ZNF483: variants seen among roughly 807,000 people sequenced by gnomAD.
ZNF483 encodes zinc finger protein 483.
A neutral mutation model predicts 28.6 loss-of-function variants in ZNF483; 9 were observed. The observed-to-expected ratio is 0.32, with a 90% CI of 0.19 to 0.55. The LOEUF is 0.55. ZNF483 is among the 20% of genes least tolerant of loss of function. The probability of loss-of-function intolerance (pLI) is 0.93; values close to 1 mark genes in which losing one functional copy is unlikely to be tolerated. For synonymous variants in ZNF483, 322 were observed against 306.2 expected, an observed-to-expected ratio of 1.05 and a Z score of -0.54; for missense variants, 675 against 871.7, an observed-to-expected ratio of 0.77 and a Z score of 2.84.
downstream of ZNF483, among the ~76,000 whole-genome samples, chr9:111,559,643 T>TACAGCACACACAC (rs1245413485): frequency 7.1e-6 from 1 of 141,422 alleles, no homozygotes; most frequent in East Asian, 2.1e-4. Flanking sequence ...CACACACACA[T>TACAGCACACACAC]ACAGCACACA....
chr9:111,564,199 C>T (rs1828442794), intron 5 of ZNF483: 3 of 1,060,224 alleles, frequency 2.8e-6, no homozygotes, highest in Non-Finnish European at 3.5e-6. Context: ...GATGGCTTAG[C>T]ACTCTTCATG....
intron 5 of ZNF483, among the ~76,000 whole-genome samples, chr9:111,562,276 CTTTTT>C (rs35900341): frequency 7.1e-6 from 1 of 140,496 alleles, no homozygotes. Flanking sequence ...AAGCAGTAAA[CTTTTT>C]TTTTTTTTTT....
intron 5 of ZNF483, chr9:111,570,088 T>C: frequency 6.2e-7 from 1 of 1,614,074 alleles, no homozygotes; most frequent in Non-Finnish European, 8.5e-7. Flanking sequence ...CGGAGCTCCT[T>C]ACCTCTAAGA....
chr9:111,528,973 C>A (rs1827250932), intron 2 of ZNF483, among the ~76,000 whole-genome samples: 1 of 152,060 alleles, frequency 6.6e-6, no homozygotes, highest in African/African-American at 2.4e-5. Flanking sequence ...TGGAGAAACC[C>A]CGTCTCTACA....
intron 5 of ZNF483, among the ~76,000 whole-genome samples, chr9:111,570,930 G>A (rs988877404): frequency 2.0e-5 from 3 of 152,186 alleles, no homozygotes; most frequent in African/African-American, 7.2e-5. Context: ...TAGAAGCAGA[G>A]ATGAGAGAGA....
chr9:111,576,530 C>A, exon 6 of ZNF483: 1 of 1,399,098 alleles, frequency 7.1e-7, no homozygotes, highest in Non-Finnish European at 9.8e-7. Flanking sequence ...AGTATGAATC[C>A]CAACTCTGGG....
chr9:111,565,132 A>G (rs1828499477), intron 5 of ZNF483, among the ~76,000 whole-genome samples: 1 of 152,156 alleles, frequency 6.6e-6, no homozygotes, highest in African/African-American at 2.4e-5. Flanking sequence ...CTCAAAAAAA[A>G]AAGTACTTAA....
chr9:111,561,610 G>T (rs1200796560), intron 5 of ZNF483, among the ~76,000 whole-genome samples: 1 of 152,098 alleles, frequency 6.6e-6, no homozygotes, highest in East Asian at 1.9e-4. Flanking sequence ...GCACATTTTT[G>T]TAGATGTATA....
chr9:111,567,034 C>T (rs1046960631), intron 5 of ZNF483, among the ~76,000 whole-genome samples: 2 of 150,450 alleles, frequency 1.3e-5, no homozygotes, highest in Admixed American at 1.3e-4. Flanking sequence ...TGTGGTGAGC[C>T]ATGATCACGG....
rs1186067975 is a variant in ZNF483 at position 111,552,319 on chromosome 9, A to G, written c.*9149A>G. 6.6e-6 allele frequency among the ~76,000 whole-genome samples: 1 copy of G among 152,210 alleles called. No individual in the cohort carries two copies. The highest frequency in any genetic ancestry group is 2.4e-5 in the African/African-American group (1 of 41,468). The stretch of plus-strand genomic sequence containing the variant: ...TTCAGAAGTTTCATAAACTGTCAAC[A>G]TTCTATAGCTTTTGTGCATATGTAC... On this transcript the variant is annotated 3_prime_UTR_variant, in exon 6 of 6. Coordinates refer to ENST00000309235, the MANE Select transcript of ZNF483 (RefSeq NM_133464.5).
At position 111,527,695 on chromosome 9, in the gene ZNF483, C is replaced by T. The variant is rs752388472; in HGVS notation, c.300C>T (p.Phe100=). The change falls in exon 2 of 6, where the codon TTC becomes TTT. Residue 100 remains phenylalanine (F), a synonymous_variant. Coordinates refer to ENST00000309235, the MANE Select transcript of ZNF483 (RefSeq NM_133464.5). ...TAGAGCTTCTGGTGTTTGAGCAGTT[C>T]CTGACCATTTTGCCTGGGGAGATCA... The part of the protein sequence containing the change: ...QILELLVFEQ[F]LTILPGEIRI... 1.2e-6 allele frequency: 2 copies of T among 1,614,104 alleles called. No homozygotes were observed. The highest frequency in any genetic ancestry group is 1.1e-5 in the South Asian group (1 of 91,086).
At chr9:111,541,088 C>CT (rs747551274) in intron 5 of ZNF483, among the ~76,000 whole-genome samples, 19,365 of 128,098 alleles carry the variant, frequency 0.15, 2,057 homozygotes, top group African/African-American at 0.27. Context: ...AAGTTTGAAC[C>CT]TTTTTTTTTT....
Position 111,544,146 on chromosome 9 carries a change from A to G in ZNF483, c.*976A>G. 3 of 985,474 alleles carry G rather than the reference A, an allele frequency of 3.0e-6. No homozygotes were observed. Among genetic ancestry groups the G allele is most frequent in the Non-Finnish European group, 3.6e-6 (3 of 829,978 alleles). The allele number at this position is 985,474 out of a possible 1,614,324, so 61.0% of individuals were successfully genotyped here. A position where few individuals can be genotyped will look rare whatever the true frequency, so the allele number is the denominator to read the frequency against. ...CCTGAGCCATCTCAGCCGTGAGAGT[A>G]ACAGTCCTAGGAAAATAGATGGGGG... On this transcript the variant is annotated 3_prime_UTR_variant, in exon 6 of 6. Coordinates refer to ENST00000309235, the MANE Select transcript of ZNF483 (RefSeq NM_133464.5).
chr9:111,541,088 C>CTTT (rs747551274), intron 5 of ZNF483, among the ~76,000 whole-genome samples: 6 of 128,150 alleles, frequency 4.7e-5, no homozygotes, highest in South Asian at 2.5e-4. Flanking sequence ...AAGTTTGAAC[C>CTTT]TTTTTTTTTT....
Position 111,527,455 on chromosome 9 carries a change from G to A in ZNF483, c.60G>A (p.Leu20=), listed in dbSNP as rs1268094600. Residue 20 remains leucine (L), a synonymous_variant, in exon 2 of 6, where the codon CTG becomes CTA. Transcript: ENST00000309235. The part of the protein sequence containing the change: ...MTAISPEPQT[L]ASTEQNEVPR... Reference sequence around the variant, plus strand: ...CCATCTCACCAGAACCTCAAACTCTGGCCTCGACTGAACAAAATGAGGTCC... The same window carrying A: ...CCATCTCACCAGAACCTCAAACTCTAGCCTCGACTGAACAAAATGAGGTCC... The A allele has an allele frequency of 6.2e-7, 1 of 1,613,980 alleles. No homozygotes were observed. Among genetic ancestry groups the A allele is most frequent in the African/African-American group, 1.3e-5 (1 of 74,892 alleles).
Position 111,541,976 on chromosome 9 carries a change from G to A in ZNF483, c.1041G>A (p.Leu347=). Residue 347 remains leucine, a synonymous_variant, in exon 6 of 6, where the codon CTG becomes CTA. Coordinates refer to ENST00000309235, the MANE Select transcript of ZNF483 (RefSeq NM_133464.5). ...KPFSFHSDLV[L]NRKEKTAGEK... is the part of the protein sequence containing the mutation. The stretch of plus-strand genomic sequence containing the variant: ...TCAGTTTTCATTCAGACCTTGTTCT[G>A]AACCGCAAGGAGAAAACCGCCGGAG... The A allele has an allele frequency of 6.2e-7, 1 of 1,614,054 alleles. No homozygotes were observed. Among genetic ancestry groups the A allele is most frequent in the South Asian group, 1.1e-5 (1 of 91,068 alleles).
At chr9:111,570,253 T>C (rs758091833) in intron 5 of ZNF483, 8 of 1,584,656 alleles carry the variant, frequency 5.0e-6, no homozygotes, top group Non-Finnish European at 6.9e-6. Context: ...TCCAGGGAGG[T>C]GCCCATGGTG....
At chr9:111,559,378 T>C (rs183683912), downstream of ZNF483, among the ~76,000 whole-genome samples, 45 of 152,106 alleles carry the variant, frequency 3.0e-4, 1 homozygote, top group East Asian at 7.9e-3. Flanking sequence ...AATGCCCTTC[T>C]CACCCTACTT....
chr9:111,559,410 G>A (rs1192438167), downstream of ZNF483, among the ~76,000 whole-genome samples: 4 of 151,810 alleles, frequency 2.6e-5, no homozygotes, highest in Non-Finnish European at 5.9e-5. Flanking sequence ...CCCTCAATCA[G>A]GCCCTGCTGC....
Sources: allele counts gnomAD v4.1 joint callset (sites outside exome capture counted in the v4.1 genomes callset), GRCh38; gene constraint gnomAD v4.1.1; transcripts MANE v1.5; gene names NCBI Gene and HGNC (gene_info 2026-07-23, HGNC 2026-07-21).